COL25A1: variants seen among roughly 807,000 people sequenced by gnomAD.
COL25A1 encodes the protein collagen type XXV alpha 1 chain.
Under a neutral mutation model 128.4 loss-of-function variants are expected in COL25A1, and 103 were observed. The ratio of observed to expected loss-of-function variants is 0.80; its 90% CI spans 0.68 to 0.94. The LOEUF is 0.94. Among genes scored for constraint, COL25A1 ranks in the 40% least tolerant of loss-of-function variants. The pLI, the probability that COL25A1 is intolerant of heterozygous loss-of-function variation, is 0.00. For missense variants in COL25A1, 745 were observed against 840.0 expected (o/e 0.89, Z 1.40); for synonymous variants, 279 against 277.2 (o/e 1.01, Z -0.06).
At chr4:109,101,124 TGA>T (rs58525681) in intron 3 of COL25A1, among the ~76,000 whole-genome samples, 2,297 of 152,308 alleles carry the variant, frequency 0.015, 52 homozygotes, top group East Asian at 0.079. Context: ...TATAGTGTGA[TGA>T]GAGTATTATT....
chr4:109,131,935 A>C (rs1769255600), intron 3 of COL25A1, among the ~76,000 whole-genome samples: 1 of 152,204 alleles, frequency 6.6e-6, no homozygotes, highest in Non-Finnish European at 1.5e-5. Flanking sequence ...CTCTCTCTTC[A>C]TACTACCAGG....
At chr4:109,073,089 T>C (rs976676334) in intron 3 of COL25A1, among the ~76,000 whole-genome samples, 1 of 152,146 alleles carries the variant, frequency 6.6e-6, no homozygotes, top group African/African-American at 2.4e-5. Flanking sequence ...ACACACAATC[T>C]GGCCTATTTC....
At chr4:109,269,502 C>T (rs1393515485) in intron 3 of COL25A1, among the ~76,000 whole-genome samples, 3 of 149,144 alleles carry the variant, frequency 2.0e-5, no homozygotes, top group African/African-American at 5.1e-5. Context: ...CCTGAGGAAT[C>T]GCCACACTGA....
At chr4:108,950,551 A>C (rs1352649373) in intron 8 of COL25A1, among the ~76,000 whole-genome samples, 2 of 152,200 alleles carry the variant, frequency 1.3e-5, no homozygotes, top group Admixed American at 6.5e-5. Flanking sequence ...AAAAACCCAG[A>C]AAATATATTT....
In COL25A1 at chr4:109,174,054, G is replaced by C. The variant is rs182965191; in HGVS notation, c.368-123875C>G. On this transcript the variant is annotated intron_variant, in intron 3 of 37. Transcript: ENST00000399132. ...TTTTTTAATTGTATGAGTATTAAAA[G>C]CTAAATACTGAGAGAGGTGCTAGCC... Among the ~76,000 whole-genome samples, 20 of 152,266 alleles carry C rather than the reference G, an allele frequency of 1.3e-4. No homozygotes were observed. The East Asian group carries it at 3.7e-3, about 28-fold the overall frequency.
intron 3 of COL25A1, among the ~76,000 whole-genome samples, chr4:109,203,079 C>G (rs1455304243): frequency 6.6e-6 from 1 of 152,066 alleles, no homozygotes; most frequent in Non-Finnish European, 1.5e-5. Context: ...GTCCCTGGCC[C>G]CAGGTCCCAC....
At chr4:108,899,046 C>CCAT in intron 15 of COL25A1, 108 bp downstream of exon 15, 4 of 764,164 alleles carry the variant, frequency 5.2e-6, no homozygotes, top group South Asian at 2.2e-5. Context: ...TACCCACCCA[C>CCAT]CCATCCATCC....
At chr4:109,112,799 T>C (rs527587159) in intron 3 of COL25A1, among the ~76,000 whole-genome samples, 43 of 152,304 alleles carry the variant, frequency 2.8e-4, no homozygotes, top group African/African-American at 1.0e-3. Context: ...TCCTATTTCT[T>C]TGTGCAGCAT....
At chr4:109,048,079 T>G in intron 5 of COL25A1, 89 bp downstream of exon 5, 1 of 1,382,488 alleles carries the variant, frequency 7.2e-7, no homozygotes, top group South Asian at 1.2e-5. Context: ...CTAATAGACA[T>G]AGAGACTATA....
chr4:109,049,324 T>A (rs1357312731), intron 4 of COL25A1, among the ~76,000 whole-genome samples: 1 of 152,230 alleles, frequency 6.6e-6, no homozygotes, highest in African/African-American at 2.4e-5. Flanking sequence ...GATAAGACTT[T>A]ATGTGGTCAT....
chr4:109,162,529 C>T (rs1772674889), intron 3 of COL25A1, among the ~76,000 whole-genome samples: 2 of 152,124 alleles, frequency 1.3e-5, no homozygotes, highest in Admixed American at 6.5e-5. Context: ...TTTTATTTAC[C>T]TACTTGGCTT....
intron 35 of COL25A1, among the ~76,000 whole-genome samples, chr4:108,822,727 CAT>C (rs1411172119): frequency 6.6e-6 from 1 of 152,158 alleles, no homozygotes; most frequent in Non-Finnish European, 1.5e-5. Context: ...CACCCAGCTA[CAT>C]ATCATCTTTA....
chr4:108,945,080 C>A (rs72668387), intron 8 of COL25A1, among the ~76,000 whole-genome samples: 25,473 of 151,972 alleles, frequency 0.17, 2,257 homozygotes, highest in Non-Finnish European at 0.19. Flanking sequence ...AGAGTATATG[C>A]CAGCATCCTA....
At chr4:108,886,439 A>ATTTT in intron 18 of COL25A1, among the ~76,000 whole-genome samples, 1 of 116,156 alleles carries the variant, frequency 8.6e-6, no homozygotes, top group Admixed American at 9.7e-5. Flanking sequence ...GTGCTATGAG[A>ATTTT]TTTTGTGTGT....
rs2305437 is a variant in COL25A1 at position 108,813,803 on chromosome 4, G to A, written c.*124C>T. On this transcript the variant is annotated 3_prime_UTR_variant, in exon 38 of 38. Transcript: ENST00000399132. ...AAAATGGACATGTATACTACTGCCA[G>A]CAGGAAGAAGCAGCCCTATGTAAAC... is the stretch of plus-strand genomic sequence containing the variant. 145,281 of 742,800 alleles carry A rather than the reference G, an allele frequency of 0.2. 15,372 individuals are homozygous for A. Among genetic ancestry groups the A allele is most frequent in the Non-Finnish European group, 0.23 (99,288 of 435,632 alleles). The allele number at this position is 742,800 out of a possible 1,614,324, so 46.0% of individuals were successfully genotyped here.
At chr4:108,868,546 A>AAAAAGAAAG (rs1010846209) in intron 20 of COL25A1, among the ~76,000 whole-genome samples, 1 of 96,308 alleles carries the variant, frequency 1.0e-5, no homozygotes, top group African/African-American at 4.0e-5. Flanking sequence ...AAAGAAAAGA[A>AAAAAGAAAG]AAAAGAAAGA....
chr4:109,143,264 A>C (rs1317109622), intron 3 of COL25A1, among the ~76,000 whole-genome samples: 2 of 152,210 alleles, frequency 1.3e-5, no homozygotes, highest in Non-Finnish European at 2.9e-5. Context: ...GGGTTTCTGC[A>C]GAGTGATCTG....
At chr4:108,950,641 A>T (rs562182260) in intron 8 of COL25A1, among the ~76,000 whole-genome samples, 2 of 152,240 alleles carry the variant, frequency 1.3e-5, no homozygotes, top group Non-Finnish European at 2.9e-5. Flanking sequence ...CTTGAGACGT[A>T]GACTCTGTTC....
At chr4:109,228,214 C>T (rs1358746182) in intron 3 of COL25A1, among the ~76,000 whole-genome samples, 1 of 152,166 alleles carries the variant, frequency 6.6e-6, no homozygotes, top group African/African-American at 2.4e-5. Flanking sequence ...CCTCTGGAAA[C>T]ACCCTCACAG....
Sources: gnomAD v4.1 joint callset for allele counts (sites outside exome capture counted in the v4.1 genomes callset) on GRCh38, gnomAD v4.1.1 for gene constraint, MANE v1.5 for transcripts, NCBI Gene and HGNC (gene_info 2026-07-23, HGNC 2026-07-21) for gene names.